The following CSMD1 variants were observed in gnomAD, a reference collection of about 807,000 sequenced individuals.
The protein encoded by CSMD1 is CUB and Sushi multiple domains 1, also known as CUB and sushi domain-containing protein 1.
CSMD1 carries 213 observed loss-of-function variants against 417.5 expected under a neutral mutation model. The observed-to-expected ratio is 0.51, with a 90% CI of 0.46 to 0.57. The LOEUF is 0.57. CSMD1 is among the 20% of genes least tolerant of loss of function. The pLI is 0.00. For synonymous variants in CSMD1, 2,862 were observed against 1,736.8 expected, an observed-to-expected ratio of 1.65 and a Z score of -16.11; for missense variants, 6,923 against 4,529.7, an observed-to-expected ratio of 1.53 and a Z score of -15.17.
intron 3 of CSMD1, among the ~76,000 whole-genome samples, chr8:4,129,401 C>G (rs1323582126): frequency 1.3e-5 from 2 of 152,140 alleles, no homozygotes; most frequent in Admixed American, 6.5e-5. Flanking sequence ...ACACCATGTT[C>G]TCCTTTCTTG....
chr8:4,690,718 C>A (rs778442217), intron 1 of CSMD1, among the ~76,000 whole-genome samples: 2 of 152,022 alleles, frequency 1.3e-5, no homozygotes, highest in African/African-American at 2.4e-5. Context: ...TCACAGGGAT[C>A]TGAAATCTTG....
At chr8:3,830,940 C>G (rs1285108269) in intron 5 of CSMD1, among the ~76,000 whole-genome samples, 1 of 152,176 alleles carries the variant, frequency 6.6e-6, no homozygotes, top group Non-Finnish European at 1.5e-5. Flanking sequence ...TTCTTAAGTT[C>G]TTTCTGAGGG....
chr8:4,194,752 AT>A (rs112024782), intron 3 of CSMD1, among the ~76,000 whole-genome samples: 3,958 of 151,920 alleles, frequency 0.026, 152 homozygotes, highest in East Asian at 0.15. Flanking sequence ...TTAAATAAAC[AT>A]TTTTTTTAAC....
At chr8:3,672,804 C>T (rs1799147469) in intron 7 of CSMD1, among the ~76,000 whole-genome samples, 1 of 152,176 alleles carries the variant, frequency 6.6e-6, no homozygotes, top group South Asian at 2.1e-4. Flanking sequence ...CTTTGCTAAA[C>T]ATTTTCCAGC....
At chr8:4,220,179 G>T (rs528652922) in intron 3 of CSMD1, among the ~76,000 whole-genome samples, 1 of 152,172 alleles carries the variant, frequency 6.6e-6, no homozygotes, top group Non-Finnish European at 1.5e-5. Flanking sequence ...TTGAACTCCT[G>T]ACGTCAGGTG....
At chr8:4,410,146 G>C (rs982619972) in intron 3 of CSMD1, among the ~76,000 whole-genome samples, 1 of 152,228 alleles carries the variant, frequency 6.6e-6, no homozygotes, top group African/African-American at 2.4e-5. Context: ...CCATCTTCTA[G>C]GCTAATCTAG....
rs1394339297 is a variant in CSMD1, at chr8:4,521,647, G to C, written c.303-101582C>G. On this transcript the variant is annotated intron_variant, in intron 2 of 69. Transcript: ENST00000635120. ...CAAGGTAACTTTATGGTAGAAAAAG[G>C]TGGCCCTCAGGTCCTATTGCGAAGA... is the stretch of plus-strand genomic sequence containing the variant. Among the ~76,000 whole-genome samples, 6 of 152,132 alleles carry C rather than the reference G, an allele frequency of 3.9e-5. No homozygotes were observed. In the East Asian group the frequency reaches 1.2e-3, roughly 29 times the overall value.
chr8:4,894,526 C>G (rs963922451), intron 1 of CSMD1, among the ~76,000 whole-genome samples: 2 of 146,042 alleles, frequency 1.4e-5, no homozygotes, highest in African/African-American at 5.2e-5. Flanking sequence ...GCATTCCAGC[C>G]TGGGGACAAC....
At chr8:4,646,181 G>T (rs768944735) in intron 1 of CSMD1, among the ~76,000 whole-genome samples, 2 of 152,160 alleles carry the variant, frequency 1.3e-5, no homozygotes, top group African/African-American at 4.8e-5. Context: ...CCCATTGCCA[G>T]TGGAGAGAAT....
chr8:3,833,162 A>G (rs912902500), intron 5 of CSMD1, among the ~76,000 whole-genome samples: 3 of 152,158 alleles, frequency 2.0e-5, no homozygotes, highest in Admixed American at 6.6e-5. Context: ...AAATTTCAGG[A>G]AAGTATATAA....
At chr8:3,601,417 A>G (rs985335700) in intron 8 of CSMD1, among the ~76,000 whole-genome samples, 1 of 152,178 alleles carries the variant, frequency 6.6e-6, no homozygotes, top group African/African-American at 2.4e-5. Context: ...ATGCTATCAA[A>G]CAGGTTTAGA....
At chr8:4,116,092 G>C (rs1020040565) in intron 3 of CSMD1, among the ~76,000 whole-genome samples, 1 of 151,810 alleles carries the variant, frequency 6.6e-6, no homozygotes, top group African/African-American at 2.4e-5. Context: ...TCCGCCTCCT[G>C]GGTTCAAGCG....
Position 3,216,172 on chromosome 8 carries a change from A to G in CSMD1, c.4673-1481T>C, listed in dbSNP as rs538133192. Among the ~76,000 whole-genome samples, 388 of 151,910 alleles carry G rather than the reference A, an allele frequency of 2.6e-3. 1 individual carries two copies. Among genetic ancestry groups the G allele is most frequent in the Non-Finnish European group, 3.9e-3 (268 of 67,906 alleles). ...AGTGCTCTCTAATTGCTTTGTTGAA[A>G]AGCTGTTTGGATGTTTAAAATGGTA... On this transcript the variant is annotated intron_variant, in intron 29 of 69. Coordinates refer to ENST00000635120, the MANE Select transcript of CSMD1 (RefSeq NM_033225.6).
intron 5 of CSMD1, among the ~76,000 whole-genome samples, chr8:3,843,696 G>A (rs952778998): frequency 3.9e-5 from 6 of 152,292 alleles, no homozygotes; most frequent in African/African-American, 1.4e-4. Context: ...ACAGTGGGTG[G>A]AACACAGACC....
At chr8:4,898,672 C>G (rs544680660) in intron 1 of CSMD1, among the ~76,000 whole-genome samples, 3 of 152,042 alleles carry the variant, frequency 2.0e-5, no homozygotes, top group South Asian at 2.1e-4. Flanking sequence ...ATTATACAGA[C>G]AGGAAAGACT....
At chr8:4,001,162 G>A (rs1360600673) in intron 4 of CSMD1, among the ~76,000 whole-genome samples, 1 of 152,164 alleles carries the variant, frequency 6.6e-6, no homozygotes, top group Admixed American at 6.5e-5. Context: ...GTATTTATGT[G>A]CATGGTATAG....
intron 1 of CSMD1, among the ~76,000 whole-genome samples, chr8:4,772,735 T>C (rs1053190399): frequency 1.3e-5 from 2 of 152,186 alleles, no homozygotes; most frequent in African/African-American, 4.8e-5. Context: ...TCAGATGAAG[T>C]GGATTCAGAT....
intron 26 of CSMD1, among the ~76,000 whole-genome samples, chr8:3,255,859 GCTGCACCCACTGTC>G (rs1158634616): frequency 2.0e-5 from 3 of 152,144 alleles, no homozygotes; most frequent in South Asian, 4.1e-4. Context: ...CACTTGGTGT[GCTGCACCCACTGTC>G]CTGCACCCAC....
At chr8:4,330,435 C>T (rs1799803598) in intron 3 of CSMD1, among the ~76,000 whole-genome samples, 4 of 151,908 alleles carry the variant, frequency 2.6e-5, no homozygotes, top group Admixed American at 2.6e-4. Context: ...ACCAAATATA[C>T]AAAAATGAAC....
Sources: allele counts gnomAD v4.1 joint callset (sites outside exome capture counted in the v4.1 genomes callset), GRCh38; gene constraint gnomAD v4.1.1; transcripts MANE v1.5; gene names NCBI Gene and HGNC (gene_info 2026-07-23, HGNC 2026-07-21).